The following BTBD3 variants were observed in gnomAD, a reference collection of about 807,000 sequenced individuals.
BTBD3 encodes BTB/POZ domain-containing protein 3.
A neutral mutation model predicts 41.6 loss-of-function variants in BTBD3; 14 were observed. The ratio of observed to expected loss-of-function variants is 0.34; its 90% confidence interval spans 0.22 to 0.53. The LOEUF (loss-of-function observed/expected upper bound fraction) is 0.53. Among genes scored for constraint, BTBD3 ranks in the 20% least tolerant of loss-of-function variants. The pLI, the probability that BTBD3 is intolerant of heterozygous loss-of-function variation, is 0.95. For missense variants in BTBD3, 426 were observed against 654.7 expected, an observed-to-expected ratio of 0.65 and a Z score of 3.81; for synonymous variants, 249 against 233.7, an observed-to-expected ratio of 1.07 and a Z score of -0.60.
At chr20:11,908,670 A>AT (rs563696417) in intron 1 of BTBD3, among the ~76,000 whole-genome samples, 2 of 151,796 alleles carry the variant, frequency 1.3e-5, no homozygotes, top group African/African-American at 2.4e-5. Flanking sequence ...AGAGAATTGA[A>AT]TTTTTTTTGA....
At chr20:11,908,516 C>T (rs1465140762) in intron 1 of BTBD3, among the ~76,000 whole-genome samples, 1 of 151,464 alleles carries the variant, frequency 6.6e-6, no homozygotes, top group Non-Finnish European at 1.5e-5. Flanking sequence ...ATGAATAGTC[C>T]CCACTTTAAG....
rs868566790 is a variant in BTBD3, at chr20:11,906,254, C to T, written c.-125-12080C>T. Among the ~76,000 whole-genome samples, 108 of 36,222 alleles carry T rather than the reference C, an allele frequency of 3.0e-3. 1 individual carries two copies. The highest frequency in any genetic ancestry group is 0.038 in the Middle Eastern group (1 of 26). The allele number at this position is 36,222 out of a possible 152,430, so 23.8% of individuals were successfully genotyped here. On this transcript the variant is annotated intron_variant, in intron 1 of 4. Coordinates refer to the BTBD3 transcript ENST00000254977. ...CCATAATTTCCATTTATTATTACTC[C>T]TTTTTTTTTTTTTTTTTTTTTTTTT...
At chr20:11,896,560 CTTTAT>C (rs1360306879) in intron 1 of BTBD3, among the ~76,000 whole-genome samples, 1 of 152,006 alleles carries the variant, frequency 6.6e-6, no homozygotes, top group Non-Finnish European at 1.5e-5. Context: ...TTTTATTGTT[CTTTAT>C]TTTAGTAAGG....
chr20:11,907,404 G>A (rs2056861587), intron 1 of BTBD3, among the ~76,000 whole-genome samples: 1 of 152,168 alleles, frequency 6.6e-6, no homozygotes, highest in Non-Finnish European at 1.5e-5. Flanking sequence ...CTTAGTTTCA[G>A]ACCATTTTGG....
At chr20:11,916,915 A>G (rs2056922111), upstream of BTBD3, among the ~76,000 whole-genome samples, 1 of 152,302 alleles carries the variant, frequency 6.6e-6, no homozygotes, top group Admixed American at 6.5e-5. Context: ...TTACTCACCA[A>G]CGCTAGAAAT....
upstream of BTBD3, chr20:11,913,412 G>T (rs1568613133): frequency 6.6e-6 from 1 of 151,942 alleles, no homozygotes; most frequent in Non-Finnish European, 1.5e-5. Context: ...CCTGTAGTGT[G>T]CCCCTACAGG....
rs542081695 is a variant in BTBD3 at position 11,918,824 on chromosome 20, T to A, written c.326+223T>A. The A allele has an allele frequency of 5.1e-6, 3 of 583,834 alleles. No homozygotes were observed. The South Asian group carries it at 7.9e-5, about 15-fold the overall frequency. 36.2% of individuals were successfully genotyped at this position (583,834 alleles called of 1,614,324 possible). A position where few individuals can be genotyped will look rare whatever the true frequency, so the allele number is the denominator to read the frequency against. ...CTGTAACATTCAAGTGACAGGGTTG[T>A]CTATGGGCCATAGAAAATGGGAACC... On this transcript the variant is annotated intron_variant, in intron 1 of 3. Coordinates refer to ENST00000378226, the MANE Select transcript of BTBD3 (RefSeq NM_014962.4).
chr20:11,923,522 C>T lies in BTBD3; in HGVS notation c.1425C>T (p.Gly475=). 6.2e-7 allele frequency: 1 copy of T among 1,614,168 alleles called. No homozygotes were observed. Among genetic ancestry groups the T allele is most frequent in the African/African-American group, 1.3e-5 (1 of 75,040 alleles). Residue 475 remains glycine, a synonymous_variant, in exon 4 of 4, where the codon GGC becomes GGT. Transcript: ENST00000378226. The surrounding 1 kb of genome is among the most constrained non-coding windows in gnomAD (Gnocchi z 5.3). The part of the protein sequence containing the change: ...TFYTASVILD[G]NELSYFGQEG... ...ACACAGCCAGTGTGATACTGGATGG[C>T]AATGAACTCAGCTACTTTGGACAAG...
intron 1 of BTBD3, among the ~76,000 whole-genome samples, chr20:11,899,427 C>T (rs892713722): frequency 9.9e-5 from 15 of 152,028 alleles, no homozygotes; most frequent in African/African-American, 3.4e-4. Flanking sequence ...TTATTATGCC[C>T]CCTCTAGTCG....
At position 11,919,146 on chromosome 20, in the gene BTBD3, A is replaced by T; in HGVS notation, c.387A>T (p.Pro129=). The part of the protein sequence containing the change: ...MADVHFVVGP[P]GGTQRLPGHK... ...ATGTACATTTTGTGGTTGGGCCACC[A>T]GGTGGGACTCAACGGTTGCCAGGAC... Residue 129 remains proline (P), a synonymous_variant, in exon 2 of 4, where the codon CCA becomes CCT. Coordinates refer to ENST00000378226, the MANE Select transcript of BTBD3 (RefSeq NM_014962.4). 1 of 1,613,840 alleles carries T rather than the reference A, an allele frequency of 6.2e-7. No homozygotes were observed. The highest frequency in any genetic ancestry group is 8.5e-7 in the Non-Finnish European group (1 of 1,179,816).
In BTBD3 at chr20:11,923,670, C is replaced by G. The variant is rs1285877592; in HGVS notation, c.*4C>G. Reference sequence around the variant, plus strand: ...TGAACTTATATTCTATGCTTGAAAACTCACTTCCTGAAGCAGCTTGAGCTC... The same window carrying G: ...TGAACTTATATTCTATGCTTGAAAAGTCACTTCCTGAAGCAGCTTGAGCTC... On this transcript the variant is annotated 3_prime_UTR_variant, in exon 4 of 4. Transcript: ENST00000378226. The surrounding 1 kb of genome is among the most constrained non-coding windows in gnomAD (Gnocchi z 5.3). 6.3e-7 allele frequency: 1 copy of G among 1,580,508 alleles called. No individual in the cohort carries two copies. Among genetic ancestry groups the G allele is most frequent in the South Asian group, 1.2e-5 (1 of 84,266 alleles).
chr20:11,919,511 A>G (rs1453209051), intron 2 of BTBD3: 8 of 1,208,584 alleles, frequency 6.6e-6, no homozygotes, highest in Non-Finnish European at 2.2e-6. Flanking sequence ...GGACATGTGC[A>G]TTAATCTCTT....
At chr20:11,897,346 C>G (rs1377104682) in intron 1 of BTBD3, among the ~76,000 whole-genome samples, 3 of 152,146 alleles carry the variant, frequency 2.0e-5, no homozygotes, top group Non-Finnish European at 4.4e-5. Context: ...TGATCTTTCT[C>G]TGCAAACCTG....
intron 1 of BTBD3, among the ~76,000 whole-genome samples, chr20:11,904,210 A>G (rs1475523548): frequency 1.3e-5 from 2 of 152,214 alleles, no homozygotes; most frequent in Admixed American, 1.3e-4. Flanking sequence ...CTCTACAGGA[A>G]GCATGGCTGG....
At chr20:11,916,898 G>GT (rs992226997), upstream of BTBD3, among the ~76,000 whole-genome samples, 7 of 151,958 alleles carry the variant, frequency 4.6e-5, no homozygotes, top group African/African-American at 7.2e-5. Context: ...CGGTGTTTTT[G>GT]TTTTTTTTAC....
chr20:11,918,838 A>C, intron 1 of BTBD3: 1 of 573,938 alleles, frequency 1.7e-6, no homozygotes, highest in Non-Finnish European at 3.0e-6. Context: ...TGGGCCATAG[A>C]AAATGGGAAC....
chr20:11,914,123 C>T (rs538248141), upstream of BTBD3, among the ~76,000 whole-genome samples: 1 of 152,202 alleles, frequency 6.6e-6, no homozygotes, highest in South Asian at 2.1e-4. Context: ...TGATAAAATG[C>T]CTATTGGAAA....
upstream of BTBD3, among the ~76,000 whole-genome samples, chr20:11,915,452 T>C (rs2056912205): frequency 6.6e-6 from 1 of 152,190 alleles, no homozygotes; most frequent in South Asian, 2.1e-4. Context: ...ACTGGATCAT[T>C]GGGAAGACAT....
chr20:11,904,377 C>A (rs546953445), intron 1 of BTBD3, among the ~76,000 whole-genome samples: 2 of 152,294 alleles, frequency 1.3e-5, no homozygotes, highest in South Asian at 4.1e-4. Flanking sequence ...AGGTGGAAAT[C>A]CACCCCTATG....
Sources: gnomAD v4.1 joint callset for allele counts (sites outside exome capture counted in the v4.1 genomes callset) on GRCh38, gnomAD v4.1.1 for gene constraint, Gnocchi (gnomAD v3.1) non-coding constraint, MANE v1.5 for transcripts, NCBI Gene and HGNC (gene_info 2026-07-23, HGNC 2026-07-21) for gene names.